ROR2: variants seen among roughly 807,000 people sequenced by gnomAD.
The protein encoded by ROR2 is tyrosine-protein kinase transmembrane receptor ROR2.
ROR2 carries 33 observed loss-of-function variants against 74.9 expected under a neutral mutation model. The ratio of observed to expected loss-of-function variants is 0.44; its 90% CI spans 0.33 to 0.59. The LOEUF (loss-of-function observed/expected upper bound fraction) is 0.59. Among genes scored for constraint, ROR2 ranks in the 20% least tolerant of loss-of-function variants. The pLI is 0.02. For missense variants in ROR2, 1,216 were observed against 1,313.8 expected, an observed-to-expected ratio of 0.93 and a Z score of 1.15; for synonymous variants, 586 against 558.7, an observed-to-expected ratio of 1.05 and a Z score of -0.69.
At chr9:91,931,962 C>A (rs1411975918) in intron 1 of ROR2, among the ~76,000 whole-genome samples, 2 of 152,090 alleles carry the variant, frequency 1.3e-5, no homozygotes, top group African/African-American at 4.8e-5. Context: ...TTAGTCCTAC[C>A]AAATACCAAA....
rs1554691400 is a variant in ROR2 at position 91,909,850 on chromosome 9, T to TTTC, written c.97+40016_97+40017insGAA. Among the ~76,000 whole-genome samples, 32 of 107,198 alleles carry TTTC rather than the reference T, an allele frequency of 3.0e-4. 1 individual carries two copies. Among genetic ancestry groups the TTTC allele is most frequent in the Non-Finnish European group, 3.6e-4 (20 of 55,076 alleles). 70.3% of individuals were successfully genotyped at this position (107,198 alleles called of 152,430 possible). On this transcript the variant is annotated intron_variant, in intron 1 of 8. Coordinates refer to ENST00000375708, the MANE Select transcript of ROR2 (RefSeq NM_004560.4). ...TTTTTTTTTTTAGGTTTGTTTTGTTTTTTTTTTTTTTTTTTTTTTTTAGTT... is the reference window on the plus strand; with the variant it reads ...TTTTTTTTTTTAGGTTTGTTTTGTTTTTCTTTTTTTTTTTTTTTTTTTTTAGTT...
chr9:91,863,377 A>G (rs958727630), intron 1 of ROR2, among the ~76,000 whole-genome samples: 5 of 152,222 alleles, frequency 3.3e-5, no homozygotes, highest in African/African-American at 1.2e-4. Flanking sequence ...AAGAGAAATG[A>G]AAACATAAAA....
chr9:91,807,458 T>G (rs1827605244), intron 1 of ROR2, among the ~76,000 whole-genome samples: 1 of 152,192 alleles, frequency 6.6e-6, no homozygotes, highest in Non-Finnish European at 1.5e-5. Flanking sequence ...AATAAACCAG[T>G]AAGTGTGTTT....
At chr9:91,908,248 C>A (rs7849063) in intron 1 of ROR2, among the ~76,000 whole-genome samples, 2 of 152,174 alleles carry the variant, frequency 1.3e-5, no homozygotes, top group African/African-American at 4.8e-5. Context: ...CAATGGGACA[C>A]GTTTGTATTT....
chr9:91,847,364 C>T (rs548457931), intron 1 of ROR2, among the ~76,000 whole-genome samples: 2 of 152,284 alleles, frequency 1.3e-5, no homozygotes, highest in South Asian at 4.2e-4. Context: ...AGAGGTAGTC[C>T]TTTGCAGACA....
chr9:91,762,551 A>G (rs1011078970), intron 2 of ROR2, among the ~76,000 whole-genome samples: 15 of 152,258 alleles, frequency 9.9e-5, no homozygotes, highest in African/African-American at 3.4e-4. Flanking sequence ...AACAAAACGT[A>G]TAAAGATTTG....
At chr9:91,908,015 G>A (rs929269868) in intron 1 of ROR2, among the ~76,000 whole-genome samples, 1 of 152,238 alleles carries the variant, frequency 6.6e-6, no homozygotes, top group Admixed American at 6.5e-5. Context: ...ACTAATTGTT[G>A]TGGGAAAGAA....
In ROR2 at chr9:91,950,126, A is replaced by T; in HGVS notation, c.-163T>A. 4.8e-6 allele frequency: 2 copies of T among 416,828 alleles called. No individual in the cohort carries two copies. 25.8% of individuals were successfully genotyped at this position (416,828 alleles called of 1,614,324 possible). ...GTCGTCGTCCTCTTCTCCGGCCCGG[A>T]TGCGCCGCTCGGCTCCGGCCACGGC... On this transcript the variant is annotated 5_prime_UTR_variant, in exon 1 of 9. Transcript: ENST00000375708.
intron 1 of ROR2, among the ~76,000 whole-genome samples, chr9:91,789,537 A>G (rs941851399): frequency 1.3e-5 from 2 of 152,208 alleles, no homozygotes; most frequent in African/African-American, 4.8e-5. Flanking sequence ...TATAAAGTCT[A>G]TGACACTAAT....
intron 1 of ROR2, among the ~76,000 whole-genome samples, chr9:91,826,788 A>AAAAAAAG (rs536366542): frequency 5.3e-5 from 8 of 149,668 alleles, no homozygotes; most frequent in South Asian, 2.1e-4. Flanking sequence ...CGTCTCAAAA[A>AAAAAAAG]AAAAAAGAAA....
intron 6 of ROR2, among the ~76,000 whole-genome samples, chr9:91,732,908 T>A (rs1362835559): frequency 6.6e-6 from 1 of 152,172 alleles, no homozygotes; most frequent in Non-Finnish European, 1.5e-5. Flanking sequence ...CATGCGAGCC[T>A]GGGGCTGAAT....
chr9:91,786,528 G>GA (rs1826809593), intron 1 of ROR2, among the ~76,000 whole-genome samples: 1 of 152,074 alleles, frequency 6.6e-6, no homozygotes, highest in South Asian at 2.1e-4. Context: ...GTGGGTCTGT[G>GA]ACCAGTTAAC....
At chr9:91,767,518 C>A (rs1262632881) in intron 2 of ROR2, among the ~76,000 whole-genome samples, 1 of 152,232 alleles carries the variant, frequency 6.6e-6, no homozygotes, top group Non-Finnish European at 1.5e-5. Context: ...ATCATGAGGT[C>A]ATGGCGCTTT....
intron 1 of ROR2, among the ~76,000 whole-genome samples, chr9:91,857,147 G>C (rs562981691): frequency 1.3e-5 from 2 of 152,234 alleles, no homozygotes; most frequent in African/African-American, 4.8e-5. Context: ...CTTGTTTCAC[G>C]AGTGACCATC....
intron 1 of ROR2, among the ~76,000 whole-genome samples, chr9:91,843,175 ACAGTGGCCTGCG>A (rs1828833555): frequency 6.6e-6 from 1 of 152,216 alleles, no homozygotes; most frequent in South Asian, 2.1e-4. Context: ...CAGAAAAAAC[ACAGTGGCCTGCG>A]GCCCTGCAAA....
chr9:91,863,654 A>G (rs1182050235), intron 1 of ROR2, among the ~76,000 whole-genome samples: 2 of 152,216 alleles, frequency 1.3e-5, no homozygotes, highest in African/African-American at 4.8e-5. Flanking sequence ...GCTAGAGACA[A>G]CAGACCACAT....
At chr9:91,884,248 T>C (rs1050702504) in intron 1 of ROR2, among the ~76,000 whole-genome samples, 14 of 152,204 alleles carry the variant, frequency 9.2e-5, no homozygotes, top group African/African-American at 3.1e-4. Context: ...TGATGGCTTC[T>C]GCTGAAATAC....
intron 1 of ROR2, among the ~76,000 whole-genome samples, chr9:91,940,680 T>C (rs1831826960): frequency 7.2e-6 from 1 of 139,034 alleles, no homozygotes; most frequent in South Asian, 2.3e-4. Flanking sequence ...CTGTGACCTC[T>C]GCCTCCTGGG....
chr9:91,724,262 G>A lies in ROR2; in HGVS notation c.2232C>T (p.Ser744=). 1 of 1,613,460 alleles carries A rather than the reference G, an allele frequency of 6.2e-7. No individual in the cohort carries two copies. Among genetic ancestry groups the A allele is most frequent in the Non-Finnish European group, 8.5e-7 (1 of 1,180,022 alleles). ...AAAGGTTGCCCCAGGCTCGGAGCCG[G>A]CTGTGGATGTCCTTGAAGCGGGGCC... ...SRRPRFKDIH[S]RLRAWGNLSN... The change falls in exon 9 of 9, where the codon AGC becomes AGT. Residue 744 remains serine, a synonymous_variant. Transcript: ENST00000375708.
Sources: gnomAD v4.1 joint callset for allele counts (sites outside exome capture counted in the v4.1 genomes callset) on GRCh38, gnomAD v4.1.1 for gene constraint, MANE v1.5 for transcripts, NCBI Gene and HGNC (gene_info 2026-07-23, HGNC 2026-07-21) for gene names.